The following CACNA1C variants were observed in gnomAD, a reference collection of about 807,000 sequenced individuals.
The protein encoded by CACNA1C is voltage-dependent L-type calcium channel subunit alpha-1C.
A neutral mutation model predicts 229.0 loss-of-function variants in CACNA1C; 30 were observed. That is an observed-to-expected ratio of 0.13 (90% CI 0.10 to 0.18). The LOEUF is 0.18. Ranked by LOEUF, CACNA1C falls within the 10% of genes least tolerant of loss-of-function variation. The probability of loss-of-function intolerance (pLI) is 1.00; values close to 1 mark genes in which losing one functional copy is unlikely to be tolerated. For synonymous variants in CACNA1C, 1,114 were observed against 1,132.5 expected, an observed-to-expected ratio of 0.98 and a Z score of 0.33; for missense variants, 1,658 against 2,845.0, an observed-to-expected ratio of 0.58 and a Z score of 9.49.
intron 3 of CACNA1C, among the ~76,000 whole-genome samples, chr12:2,373,163 T>G (rs968270456): frequency 1.3e-5 from 2 of 152,134 alleles, no homozygotes; most frequent in Non-Finnish European, 2.9e-5. Flanking sequence ...CCCCAACCCT[T>G]CATTTGAGTG....
intron 5 of CACNA1C, among the ~76,000 whole-genome samples, chr12:2,471,649 C>T (rs1278617248): frequency 6.6e-6 from 1 of 151,922 alleles, no homozygotes; most frequent in African/African-American, 2.4e-5. Context: ...TCCATTTTCT[C>T]CTGGTTTCCA....
intron 3 of CACNA1C, among the ~76,000 whole-genome samples, chr12:2,380,991 G>A (rs575035983): frequency 1.4e-4 from 22 of 152,188 alleles, no homozygotes; most frequent in Non-Finnish European, 3.1e-4. Context: ...GGACTGAGGT[G>A]TGTGAAAGAA....
chr12:2,293,987 A>T (rs1197227781), intron 3 of CACNA1C, among the ~76,000 whole-genome samples: 1 of 152,172 alleles, frequency 6.6e-6, no homozygotes. Flanking sequence ...ATATTAATTG[A>T]ATCATTTATT....
At chr12:2,327,635 C>T (rs3819531) in intron 3 of CACNA1C, among the ~76,000 whole-genome samples, 110,492 of 151,814 alleles carry the variant, frequency 0.73, 40,616 homozygotes, top group African/African-American at 0.82. Flanking sequence ...ACTCGGAATA[C>T]GTGAACCTGA....
chr12:2,344,334 G>A lies in CACNA1C; in HGVS notation c.478-104642G>A, dbSNP rs953703281. On this transcript the variant is annotated intron_variant, in intron 3 of 46. Transcript: ENST00000399655. Reference sequence around the variant, plus strand: ...CATTCTTTTTGAACACTTCCTCCAGGTGTGTGAGCGTTTCACACTCTGCAT... The same window carrying A: ...CATTCTTTTTGAACACTTCCTCCAGATGTGTGAGCGTTTCACACTCTGCAT... 2.6e-5 allele frequency among the ~76,000 whole-genome samples: 4 copies of A among 151,960 alleles called. No individual in the cohort carries two copies. In the South Asian group the frequency reaches 6.3e-4, roughly 24 times the overall value.
intron 3 of CACNA1C, among the ~76,000 whole-genome samples, chr12:2,423,022 A>G (rs930728183): frequency 1.3e-5 from 2 of 152,128 alleles, no homozygotes; most frequent in African/African-American, 4.8e-5. Context: ...CTCGTCCTCC[A>G]TCGAGGATTA....
chr12:2,129,560 C>A (rs937272998), intron 3 of CACNA1C, among the ~76,000 whole-genome samples: 1 of 152,104 alleles, frequency 6.6e-6, no homozygotes, highest in Non-Finnish European at 1.5e-5. Context: ...TACCAAACTT[C>A]TTGTAATTTA....
chr12:2,240,027 T>A (rs1241475099), intron 3 of CACNA1C, among the ~76,000 whole-genome samples: 1 of 152,272 alleles, frequency 6.6e-6, no homozygotes, highest in Non-Finnish European at 1.5e-5. Context: ...AACTGCTTTA[T>A]TACTCATAGA....
chr12:2,311,926 A>G (rs544080890), intron 3 of CACNA1C, among the ~76,000 whole-genome samples: 2 of 152,208 alleles, frequency 1.3e-5, no homozygotes, highest in Admixed American at 6.5e-5. Context: ...TGTGTTATGT[A>G]TATTTTATCC....
chr12:2,544,512 AG>A (rs2099877545), intron 9 of CACNA1C, among the ~76,000 whole-genome samples: 1 of 152,226 alleles, frequency 6.6e-6, no homozygotes, highest in Non-Finnish European at 1.5e-5. Flanking sequence ...TTGGTGCAAA[AG>A]AAATTGTGGT....
At chr12:2,461,511 C>T (rs1170481160) in intron 5 of CACNA1C, among the ~76,000 whole-genome samples, 5 of 152,106 alleles carry the variant, frequency 3.3e-5, no homozygotes, top group Non-Finnish European at 7.4e-5. Flanking sequence ...ATGTATCTTC[C>T]AGTAACCAGC....
At chr12:2,481,043 C>T (rs916152472) in intron 5 of CACNA1C, among the ~76,000 whole-genome samples, 1 of 152,162 alleles carries the variant, frequency 6.6e-6, no homozygotes, top group African/African-American at 2.4e-5. Context: ...TAAGAGGAGC[C>T]TTGAATCAGG....
chr12:2,594,628 A>C (rs1316201398), intron 19 of CACNA1C, among the ~76,000 whole-genome samples: 1 of 152,200 alleles, frequency 6.6e-6, no homozygotes, highest in Non-Finnish European at 1.5e-5. Context: ...TTTCAAATAT[A>C]GTTGTTTTAT....
chr12:2,271,997 G>T (rs2085242556), intron 3 of CACNA1C, among the ~76,000 whole-genome samples: 1 of 152,198 alleles, frequency 6.6e-6, no homozygotes, highest in Admixed American at 6.5e-5. Flanking sequence ...ATACTCTTCT[G>T]GGCAGAGCAT....
Position 2,486,304 on chromosome 12 carries a change from T to TTTTTTTA in CACNA1C, c.916+42_916+43insTTTTTTA. 6.4e-7 allele frequency: 1 copy of TTTTTTTA among 1,565,324 alleles called. No individual in the cohort carries two copies. Among genetic ancestry groups the TTTTTTTA allele is most frequent in the Admixed American group, 1.7e-5 (1 of 58,296 alleles). Reference sequence around the variant, plus strand: ...GCTGCGCTCCCAAGGCCCTGCCCTCTATCGCTCCCAGCACCTTTCCCGCTG... The same window carrying TTTTTTTA: ...GCTGCGCTCCCAAGGCCCTGCCCTCTTTTTTTAATCGCTCCCAGCACCTTTCCCGCTG... On this transcript the variant is annotated intron_variant, in intron 6 of 46. Coordinates refer to ENST00000399655, the MANE Select transcript of CACNA1C (RefSeq NM_000719.7). The surrounding 1 kb of genome is among the most constrained non-coding windows in gnomAD (Gnocchi z 4.9).
chr12:2,437,551 C>T (rs1390954056), intron 3 of CACNA1C, among the ~76,000 whole-genome samples: 1 of 152,218 alleles, frequency 6.6e-6, no homozygotes, highest in African/African-American at 2.4e-5. Context: ...ATAGTTTTTA[C>T]CCATCATGCA....
chr12:2,552,518 G>A (rs750709825), intron 10 of CACNA1C, among the ~76,000 whole-genome samples: 3 of 152,184 alleles, frequency 2.0e-5, no homozygotes, highest in African/African-American at 4.8e-5. Flanking sequence ...AAGAGTGTGA[G>A]AAGTCACTGA....
intron 1 of CACNA1C, among the ~76,000 whole-genome samples, chr12:1,995,343 A>G (rs561596751): frequency 1.6e-4 from 24 of 152,400 alleles, no homozygotes; most frequent in African/African-American, 5.8e-4. Context: ...CCCTGTGTGC[A>G]TGGCACATAG....
At position 2,608,695 on chromosome 12, in the gene CACNA1C, G is replaced by C; in HGVS notation, c.3541G>C (p.Glu1181Gln). The change falls in exon 27 of 47, where the codon GAG (glutamate) becomes CAG (glutamine). Residue 1181 changes from glutamate (E) to glutamine (Q), a missense_variant. Around this residue, in one of 20 missense-constraint regions of CACNA1C, gnomAD observed 67 missense variants for 106.4 expected, o/e 0.63. Coordinates refer to ENST00000399655, the MANE Select transcript of CACNA1C (RefSeq NM_000719.7). The surrounding 1 kb of genome is among the most constrained non-coding windows in gnomAD (Gnocchi z 4.2). ...GGGGGAGCAGGAGTACAAGAACTGT[G>C]AGCTGGACAAGAACCAGGTAGCTTC... ...EQGEQEYKNC[E>Q]LDKNQRQCVE... 1 of 1,614,160 alleles carries C rather than the reference G, an allele frequency of 6.2e-7. No homozygotes were observed. Among genetic ancestry groups the C allele is most frequent in the Non-Finnish European group, 8.5e-7 (1 of 1,179,994 alleles).
Sources: gnomAD v4.1 joint callset for allele counts (sites outside exome capture counted in the v4.1 genomes callset) on GRCh38, gnomAD v4.1.1 for gene constraint, gnomAD v4.1.1 regional missense constraint, Gnocchi (gnomAD v3.1) non-coding constraint, MANE v1.5 for transcripts, NCBI Gene and HGNC (gene_info 2026-07-23, HGNC 2026-07-21) for gene names.